The following CACNA1D variants were observed in gnomAD, a reference collection of about 807,000 sequenced individuals.
The protein encoded by CACNA1D is calcium voltage-gated channel subunit alpha1 D.
In CACNA1D, 55 loss-of-function variants were observed where a neutral mutation model predicts 257.1. The observed-to-expected ratio is 0.21, with a 90% CI of 0.17 to 0.27. CACNA1D has a LOEUF of 0.27. Among genes scored for constraint, CACNA1D ranks in the 10% least tolerant of loss-of-function variants. The pLI, the probability that CACNA1D is intolerant of heterozygous loss-of-function variation, is 1.00. For missense variants in CACNA1D, 1,876 were observed against 2,784.0 expected (o/e 0.67, Z 7.34); for synonymous variants, 980 against 1,014.9 (o/e 0.97, Z 0.65).
chr3:53,810,247 C>G lies in CACNA1D; in HGVS notation c.6141C>G (p.Phe2047Leu). ...CCAGCCTGACTGTCCCCAGCAGCTT[C>G]CGGAACAAAAACAGCGACAAGCAGA... Reference protein sequence around the residue: ...TPASLTVPSSFRNKNSDKQRS... With the variant: ...TPASLTVPSSLRNKNSDKQRS... The change falls in exon 47 of 48, where the codon TTC (phenylalanine) becomes TTG (leucine). Residue 2047 changes from phenylalanine (F) to leucine (L), a missense_variant. Transcript: ENST00000350061. The G allele has an allele frequency of 6.2e-7, 1 of 1,613,880 alleles. No homozygotes were observed. The highest frequency in any genetic ancestry group is 1.1e-5 in the South Asian group (1 of 91,080).
intron 29 of CACNA1D, among the ~76,000 whole-genome samples, chr3:53,755,671 C>G (rs11705918): frequency 0.14 from 21,643 of 152,138 alleles, 2,054 homozygotes; most frequent in Non-Finnish European, 0.21. Flanking sequence ...GTAGCAGCAG[C>G]ATCTCCACAC....
intron 3 of CACNA1D, among the ~76,000 whole-genome samples, chr3:53,540,177 G>A (rs765660252): frequency 1.3e-5 from 2 of 151,742 alleles, no homozygotes; most frequent in Non-Finnish European, 2.9e-5. Flanking sequence ...AGAGTGCAGT[G>A]GCATGATCTG....
intron 3 of CACNA1D, among the ~76,000 whole-genome samples, chr3:53,527,050 A>G (rs2091791928): frequency 6.6e-6 from 1 of 152,226 alleles, no homozygotes; most frequent in African/African-American, 2.4e-5. Context: ...GCCCTCACAG[A>G]ATGTATAGTA....
In CACNA1D at chr3:53,812,290, G is replaced by T. The variant is rs368358110; in HGVS notation, c.*884G>T. The T allele has an allele frequency of 6.6e-6, 1 of 152,132 alleles. No homozygotes were observed. The highest frequency in any genetic ancestry group is 1.5e-5 in the Non-Finnish European group (1 of 68,028). 9.4% of individuals were successfully genotyped at this position (152,132 alleles called of 1,614,324 possible). A position where few individuals can be genotyped will look rare whatever the true frequency, so the allele number is the denominator to read the frequency against. ...AATTGTAGTTCCCCACTAAAATCTA[G>T]AAATTATTAGTATTTTTACTCGGGC... On this transcript the variant is annotated 3_prime_UTR_variant, in exon 48 of 48. Transcript: ENST00000350061.
rs113186868 is a variant in CACNA1D, at chr3:53,798,316, TGTGTGTGTGTGC to T, written c.4924-1923_4924-1912del. Among the ~76,000 whole-genome samples the T allele has an allele frequency of 1.0e-3, 155 of 148,012 alleles. 2 individuals carry two copies. Among genetic ancestry groups the T allele is most frequent in the African/African-American group, 3.7e-3 (148 of 40,066 alleles). On this transcript the variant is annotated intron_variant, in intron 40 of 47. Coordinates refer to ENST00000350061, the MANE Select transcript of CACNA1D (RefSeq NM_001128840.3). ...AAGTGTGTGTATGTGTGCGTGTGTG[TGTGTGTGTGTGC>T]GTGTGTGTGCGTGTGTGTGTGCACG... is the stretch of plus-strand genomic sequence containing the variant.
chr3:53,781,184 T>A (rs2095423623), intron 38 of CACNA1D, among the ~76,000 whole-genome samples: 3 of 152,156 alleles, frequency 2.0e-5, no homozygotes, highest in Admixed American at 2.0e-4. Context: ...TTAGGCTGGA[T>A]CTTCAAGGAA....
chr3:53,555,767 T>G (rs989121642), intron 3 of CACNA1D, among the ~76,000 whole-genome samples: 1 of 152,146 alleles, frequency 6.6e-6, no homozygotes, highest in African/African-American at 2.4e-5. Flanking sequence ...TAGGGCTCCT[T>G]TCTCTGCCTT....
At chr3:53,710,522 A>G in intron 9 of CACNA1D, 1 of 456,162 alleles carries the variant, frequency 2.2e-6, no homozygotes, top group Non-Finnish European at 4.4e-6. Context: ...AACATCTCTG[A>G]TACCTTTTCC....
chr3:53,565,592 G>C (rs927358492), intron 3 of CACNA1D, among the ~76,000 whole-genome samples: 2 of 152,178 alleles, frequency 1.3e-5, no homozygotes, highest in African/African-American at 4.8e-5. Flanking sequence ...AGTGTCTTCT[G>C]TTTAAGTTCA....
chr3:53,622,150 A>G (rs574325813), intron 3 of CACNA1D, among the ~76,000 whole-genome samples: 12 of 152,172 alleles, frequency 7.9e-5, no homozygotes, highest in African/African-American at 2.2e-4. Context: ...TCCTGGGTTC[A>G]GGTGAATCTC....
rs1161352826 is a variant in CACNA1D at position 53,697,225 on chromosome 3, A to T, written c.1221-5416A>T. Reference sequence around the variant, plus strand: ...GGAGGCTGCTCCAGATGATATGTCTAGTTTTGGGCACACTCATTTCATGCT... The same window carrying T: ...GGAGGCTGCTCCAGATGATATGTCTTGTTTTGGGCACACTCATTTCATGCT... On this transcript the variant is annotated intron_variant, in intron 8 of 47. Coordinates refer to ENST00000350061, the MANE Select transcript of CACNA1D (RefSeq NM_001128840.3). Among the ~76,000 whole-genome samples, 5 of 152,358 alleles carry T rather than the reference A, an allele frequency of 3.3e-5. No homozygotes were observed. The South Asian group carries it at 8.3e-4, about 25-fold the overall frequency.
At chr3:53,682,396 A>AAAAC (rs2094440971) in intron 8 of CACNA1D, among the ~76,000 whole-genome samples, 1 of 131,846 alleles carries the variant, frequency 7.6e-6, no homozygotes, top group African/African-American at 2.7e-5. Context: ...AAAAAAAAAA[A>AAAAC]CAGAAGTCTT....
At chr3:53,579,396 G>T (rs2093092774) in intron 3 of CACNA1D, among the ~76,000 whole-genome samples, 1 of 152,046 alleles carries the variant, frequency 6.6e-6, no homozygotes, top group East Asian at 1.9e-4. Flanking sequence ...TATTTTGGTT[G>T]CTTTTACTTA....
chr3:53,727,109 G>A (rs542797942), intron 15 of CACNA1D, 110 bp downstream of exon 15: 4 of 1,279,216 alleles, frequency 3.1e-6, no homozygotes, highest in South Asian at 2.4e-5. Flanking sequence ...TGGCAGGGAG[G>A]TAAATGCCTT....
In CACNA1D at chr3:53,731,161, A is replaced by T. The variant is rs755429071; in HGVS notation, c.2406+15A>T. On this transcript the variant is annotated intron_variant, in intron 17 of 47. Transcript: ENST00000350061. Reference sequence around the variant, plus strand: ...GTGACAACAAGGTATGTATTCTAAGATGCTTCTCCCCTTTTTGTTTCAAAA... The same window carrying T: ...GTGACAACAAGGTATGTATTCTAAGTTGCTTCTCCCCTTTTTGTTTCAAAA... The T allele has an allele frequency of 3.2e-6, 5 of 1,555,390 alleles. No homozygotes were observed. The South Asian group carries it at 3.3e-5, about 10-fold the overall frequency.
chr3:53,788,587 G>C (rs1041441341), intron 40 of CACNA1D, among the ~76,000 whole-genome samples: 1 of 152,324 alleles, frequency 6.6e-6, no homozygotes, highest in South Asian at 2.1e-4. Context: ...GCCAGGTTGG[G>C]TGCCAGGAGA....
intron 3 of CACNA1D, among the ~76,000 whole-genome samples, chr3:53,596,815 G>A (rs1340640845): frequency 1.3e-5 from 2 of 152,352 alleles, no homozygotes; most frequent in East Asian, 1.9e-4. Context: ...TACTAAGTTT[G>A]TGTTGTTTTA....
chr3:53,803,282 TC>T (rs1484088371), intron 43 of CACNA1D, 140 bp from the exon 44 acceptor site: 1 of 857,360 alleles, frequency 1.2e-6, no homozygotes, highest in Non-Finnish European at 2.0e-6. Flanking sequence ...GCCGGAACAG[TC>T]CAGTGCTGCC....
Position 53,753,675 on chromosome 3 carries a change from A to G in CACNA1D, c.3779A>G (p.Lys1260Arg), listed in dbSNP as rs759889875. 6.2e-7 allele frequency: 1 copy of G among 1,602,890 alleles called. No individual in the cohort carries two copies. The highest frequency in any genetic ancestry group is 8.5e-7 in the Non-Finnish European group (1 of 1,169,650). ...VEMVLKVIAF[K>R]PKGYFSDAWN... ...ATGGTTTTGAAAGTCATCGCATTTA[A>G]GCCTAAGGTGAGTTGCAGAACCCAC... Residue 1260 changes from lysine to arginine, a missense_variant, in exon 29 of 48, where the codon AAG becomes AGG. By Grantham distance (26) the Lys-to-Arg change is conservative. Transcript: ENST00000350061.
Sources: allele counts gnomAD v4.1 joint callset (sites outside exome capture counted in the v4.1 genomes callset), GRCh38; gene constraint gnomAD v4.1.1; transcripts MANE v1.5; gene names NCBI Gene and HGNC (gene_info 2026-07-23, HGNC 2026-07-21).